Variants in TEC observed in about 807,000 individuals in gnomAD.
The protein encoded by TEC is tyrosine-protein kinase Tec.
TEC carries 72 observed loss-of-function variants against 93.0 expected under a neutral mutation model. That is an observed-to-expected ratio of 0.77 (90% CI 0.64 to 0.94). The LOEUF is 0.94. Ranked by LOEUF, TEC falls within the 40% of genes least tolerant of loss-of-function variation. The pLI is 0.00. For synonymous variants in TEC, 249 were observed against 247.7 expected (o/e 1.01, Z -0.05); for missense variants, 630 against 757.9 (o/e 0.83, Z 1.98).
intron 1 of TEC, among the ~76,000 whole-genome samples, chr4:48,259,457 T>C (rs544823837): frequency 2.3e-4 from 35 of 152,328 alleles, no homozygotes; most frequent in Admixed American, 2.2e-3. Context: ...GGCTCATGCC[T>C]GTAATCCCAG....
intron 1 of TEC, among the ~76,000 whole-genome samples, chr4:48,244,319 G>A (rs1283216061): frequency 6.6e-6 from 1 of 152,198 alleles, no homozygotes; most frequent in African/African-American, 2.4e-5. Context: ...TGGACTTACA[G>A]TTCCACGTGG....
At chr4:48,184,968 G>A (rs1721755536) in intron 2 of TEC, among the ~76,000 whole-genome samples, 1 of 151,982 alleles carries the variant, frequency 6.6e-6, no homozygotes, top group Non-Finnish European at 1.5e-5. Context: ...TAGTCCTTCA[G>A]CCATGTTCAT....
chr4:48,179,354 ATATATATATATATATATATATATTT>A lies in TEC; in HGVS notation c.139-3193_139-3169del, dbSNP rs1721471176. Among the ~76,000 whole-genome samples, 7 of 32,204 alleles carry A rather than the reference ATATATATATATATATATATATATTT, an allele frequency of 2.2e-4. No homozygotes were observed. In the South Asian group the frequency reaches 9.0e-3, roughly 41 times the overall value. The allele number at this position is 32,204 out of a possible 152,430, so 21.1% of individuals were successfully genotyped here. On this transcript the variant is annotated intron_variant, in intron 2 of 17. Coordinates refer to ENST00000381501, the MANE Select transcript of TEC (RefSeq NM_003215.3). ...ACGTGGGTAGTATATATATATATAT[ATATATATATATATATATATATATTT>A]TTTTTTTTTTTTTTTTTTTTTCAAG...
At chr4:48,141,854 T>C (rs1260971698) in intron 14 of TEC, among the ~76,000 whole-genome samples, 1 of 152,028 alleles carries the variant, frequency 6.6e-6, no homozygotes, top group African/African-American at 2.4e-5. Context: ...AGCTAATTAT[T>C]GTATTTGTTG....
At chr4:48,227,825 G>A (rs1465685389) in intron 2 of TEC, among the ~76,000 whole-genome samples, 1 of 152,042 alleles carries the variant, frequency 6.6e-6, no homozygotes, top group African/African-American at 2.4e-5. Context: ...CATGTCAGAA[G>A]CAAAAGAACC....
rs189789627 is a variant in TEC, at chr4:48,194,133, G to A, written c.139-17947C>T. 5.9e-5 allele frequency among the ~76,000 whole-genome samples: 9 copies of A among 152,286 alleles called. No individual in the cohort carries two copies. In the East Asian group the frequency reaches 1.7e-3, roughly 29 times the overall value. Reference sequence around the variant, plus strand: ...GACAGCCCTGAGGGTGGGAAACCCTGTGGCAATTCTCCTAAAGCCTTCCCC... The same window carrying A: ...GACAGCCCTGAGGGTGGGAAACCCTATGGCAATTCTCCTAAAGCCTTCCCC... On this transcript the variant is annotated intron_variant, in intron 2 of 17. Transcript: ENST00000381501.
chr4:48,215,463 C>A (rs758211517), intron 2 of TEC, among the ~76,000 whole-genome samples: 8 of 152,136 alleles, frequency 5.3e-5, no homozygotes, highest in Non-Finnish European at 1.0e-4. Context: ...GCTGGGATTG[C>A]GCCACTGTAC....
intron 1 of TEC, among the ~76,000 whole-genome samples, chr4:48,268,982 G>A (rs891079771): frequency 1.3e-5 from 2 of 152,018 alleles, no homozygotes; most frequent in Non-Finnish European, 2.9e-5. Flanking sequence ...AGAAATTTAG[G>A]ATTAAAGAAA....
chr4:48,161,321 GCGCTTTCATTT>G (rs1159599991), intron 8 of TEC, among the ~76,000 whole-genome samples: 1 of 149,888 alleles, frequency 6.7e-6, no homozygotes, highest in African/African-American at 2.5e-5. Context: ...AGTCCTAAGG[GCGCTTTCATTT>G]CTGTCACCTT....
intron 3 of TEC, among the ~76,000 whole-genome samples, chr4:48,175,101 T>A (rs1056910340): frequency 6.6e-6 from 1 of 152,174 alleles, no homozygotes; most frequent in Non-Finnish European, 1.5e-5. Context: ...ATGGTAGCTA[T>A]AAAATAAGGA....
At chr4:48,265,730 C>T (rs1450937510) in intron 1 of TEC, among the ~76,000 whole-genome samples, 3 of 152,064 alleles carry the variant, frequency 2.0e-5, no homozygotes, top group Non-Finnish European at 2.9e-5. Context: ...CCAGACTGGT[C>T]TCGAACTCCT....
chr4:48,207,298 A>G (rs1243872653), intron 2 of TEC, among the ~76,000 whole-genome samples: 1 of 152,166 alleles, frequency 6.6e-6, no homozygotes, highest in African/African-American at 2.4e-5. Context: ...TGATTCTGGA[A>G]TTTATCTGGC....
At chr4:48,260,164 G>A (rs1388919437) in intron 1 of TEC, among the ~76,000 whole-genome samples, 2 of 152,194 alleles carry the variant, frequency 1.3e-5, no homozygotes, top group Admixed American at 1.3e-4. Context: ...ATGGCCTCAA[G>A]CATTCTGGCT....
intron 2 of TEC, among the ~76,000 whole-genome samples, chr4:48,211,765 C>T (rs1241950497): frequency 5.3e-5 from 8 of 152,082 alleles, no homozygotes; most frequent in Non-Finnish European, 1.2e-4. Flanking sequence ...GTTCTTGAGC[C>T]TTACCACCTA....
intron 8 of TEC, among the ~76,000 whole-genome samples, chr4:48,162,985 G>C (rs908137422): frequency 2.0e-5 from 3 of 152,084 alleles, no homozygotes; most frequent in African/African-American, 7.2e-5. Flanking sequence ...AGATTTTAGA[G>C]ATCCAGTTTA....
intron 2 of TEC, among the ~76,000 whole-genome samples, chr4:48,224,821 G>A (rs567373589): frequency 8.9e-4 from 135 of 152,294 alleles, no homozygotes; most frequent in African/African-American, 3.2e-3. Context: ...AGAATTTCAA[G>A]AAAAGCTTGC....
At position 48,163,725 on chromosome 4, in the gene TEC, T is replaced by C. The variant is rs1426715636; in HGVS notation, c.714A>G (p.Lys238=). Residue 238 remains lysine, a synonymous_variant, in exon 8 of 18, where the codon AAA becomes AAG. Transcript: ENST00000381501. ...ACTCATATTGATCTAAGTTGTTTGA[T>C]TTCTTTCCCGTTACGTAATTACTTG... ...YIPSNYVTGK[K]SNNLDQYEWY... is the part of the protein sequence containing the mutation. 6.6e-7 allele frequency: 1 copy of C among 1,504,838 alleles called. No homozygotes were observed. Among genetic ancestry groups the C allele is most frequent in the East Asian group, 2.3e-5 (1 of 42,894 alleles). The allele number at this position is 1,504,838 out of a possible 1,614,324, so 93.2% of individuals were successfully genotyped here.
At position 48,149,679 on chromosome 4, in the gene TEC, G is replaced by A. The variant is rs773063384; in HGVS notation, c.884C>T (p.Ser295Leu). 1.2e-5 allele frequency: 19 copies of A among 1,603,758 alleles called. No individual in the cohort carries two copies. Among genetic ancestry groups the A allele is most frequent in the East Asian group, 2.2e-5 (1 of 44,488 alleles). The part of the protein sequence containing the change: ...LYTKFGGEGS[S>L]GFRHYHIKET... ...CTTTATATGATAATGCCTAAAACCC[G>A]ATGAACCTTCTCTAGAACAAAAATC... The change falls in exon 11 of 18, where the codon TCG (serine) becomes TTG (leucine). Residue 295 changes from serine to leucine, a missense_variant. Physicochemically the swap from Ser to Leu is moderately radical, Grantham distance 145. This residue lies in a region of TEC where 335 missense variants were observed against 351.5 expected (regional missense o/e 0.95). Coordinates refer to ENST00000381501, the MANE Select transcript of TEC (RefSeq NM_003215.3).
chr4:48,141,445 A>G (rs866219094), intron 14 of TEC, 26 bp from the exon 15 acceptor site: 1 of 1,604,614 alleles, frequency 6.2e-7, no homozygotes, highest in Middle Eastern at 1.7e-4. Flanking sequence ...ATGATGGTAT[A>G]TTAGTTTAAA....
Sources: allele counts gnomAD v4.1 joint callset (sites outside exome capture counted in the v4.1 genomes callset), GRCh38; gene constraint gnomAD v4.1.1; regional missense constraint gnomAD v4.1.1; transcripts MANE v1.5; gene names NCBI Gene and HGNC (gene_info 2026-07-23, HGNC 2026-07-21).